The following GSDMC variants were observed in gnomAD, a reference collection of about 807,000 sequenced individuals.
GSDMC encodes gasdermin C, also known as gasdermin-C.
A neutral mutation model predicts 58.0 loss-of-function variants in GSDMC; 59 were observed. That is an observed-to-expected ratio of 1.02 (90% CI 0.82 to 1.26). The LOEUF is 1.26. Ranked by LOEUF, GSDMC falls within the 50% of genes most tolerant of loss-of-function variation. GSDMC has a pLI of 0.00. For synonymous variants in GSDMC, 241 were observed against 220.2 expected, an observed-to-expected ratio of 1.09 and a Z score of -0.83; for missense variants, 659 against 598.5, an observed-to-expected ratio of 1.10 and a Z score of -1.06.
rs35919954 is a variant in GSDMC, at chr8:129,777,428, C to T, written c.160G>A (p.Asp54Asn). Reference protein sequence around the residue: ...DSRSSFWEQSDYVPVEFSLND... With the variant: ...DSRSSFWEQSNYVPVEFSLND... ...AGGGAGAATTCAACTGGAACATAGT[C>T]AGATTGTTCCCAAAATGATGAACGA... Residue 54 changes from aspartate to asparagine, a missense_variant, in exon 2 of 14, where the codon GAC (aspartate) becomes AAC (asparagine). Coordinates refer to ENST00000276708, the MANE Select transcript of GSDMC (RefSeq NM_031415.3). 3,305 of 1,613,644 alleles carry T rather than the reference C, an allele frequency of 2.0e-3. 60 individuals are homozygous for T. In the African/African-American group the frequency reaches 0.04, roughly 19 times the overall value.
intron 6 of GSDMC, among the ~76,000 whole-genome samples, chr8:129,757,192 A>G (rs1411981028): frequency 6.6e-6 from 1 of 152,076 alleles, no homozygotes; most frequent in African/African-American, 2.4e-5. Flanking sequence ...AGAGGACGCA[A>G]ATAAAATCAG....
At chr8:129,737,044 C>T in the GSDMC span, among the ~76,000 whole-genome samples, 49,334 of 151,972 alleles carry the variant, frequency 0.32, 11,603 homozygotes, top group African/African-American at 0.65. Flanking sequence ...TTCACAATTG[C>T]TACAAAGAGA....
chr8:129,721,717 G>A, the GSDMC span, among the ~76,000 whole-genome samples: 1 of 152,268 alleles, frequency 6.6e-6, no homozygotes, highest in East Asian at 1.9e-4. Flanking sequence ...TCTCTGACTT[G>A]ACAGCACTCT....
At chr8:129,707,123 C>T in the GSDMC span, 1 of 151,920 alleles carries the variant, frequency 6.6e-6, no homozygotes, top group Admixed American at 6.6e-5. Flanking sequence ...ATGCCCAGTG[C>T]CTGGAAGGAT....
At chr8:129,715,393 G>A in the GSDMC span, among the ~76,000 whole-genome samples, 1 of 151,980 alleles carries the variant, frequency 6.6e-6, no homozygotes, top group East Asian at 1.9e-4. Flanking sequence ...GCATCAAACA[G>A]GGTAATTAGA....
At chr8:129,756,316 G>T (rs2033432750) in intron 6 of GSDMC, among the ~76,000 whole-genome samples, 1 of 151,932 alleles carries the variant, frequency 6.6e-6, no homozygotes, top group Non-Finnish European at 1.5e-5. Flanking sequence ...TATAATGATG[G>T]TAAATATATA....
rs140560858 is a variant in GSDMC, at chr8:129,766,886, T to C, written c.405-1093A>G. On this transcript the variant is annotated intron_variant, in intron 3 of 13. Coordinates refer to ENST00000276708, the MANE Select transcript of GSDMC (RefSeq NM_031415.3). ...GCTCTGTCCCATGTCACAGAGAACA[T>C]TGAGGGCATCGGCAGGACTAGACCA... Among the ~76,000 whole-genome samples the C allele has an allele frequency of 3.6e-3, 544 of 152,206 alleles. 3 individuals are homozygous for C. The highest frequency in any genetic ancestry group is 0.013 in the African/African-American group (523 of 41,518).
chr8:129,732,448 C>G, the GSDMC span, among the ~76,000 whole-genome samples: 3 of 151,944 alleles, frequency 2.0e-5, no homozygotes, highest in African/African-American at 7.2e-5. Flanking sequence ...AAACTCCTAC[C>G]CACACTAAAA....
chr8:129,750,498 T>C lies in GSDMC; in HGVS notation c.1016A>G (p.Asp339Gly). ...GGCCAGGATACTGTAGAACATGACA[T>C]CCTGAACATCCTTTGAGAGCTGAGC... is the stretch of plus-strand genomic sequence containing the variant. Reference protein sequence around the residue: ...TLAQLSKDVQDVMFYSILAML... With the variant: ...TLAQLSKDVQGVMFYSILAML... The change falls in exon 11 of 14, where the codon GAT becomes GGT. Residue 339 changes from aspartate to glycine, a missense_variant. Asp to Gly is a moderately conservative substitution (Grantham distance 94). Coordinates refer to ENST00000276708, the MANE Select transcript of GSDMC (RefSeq NM_031415.3). 1 of 1,613,902 alleles carries C rather than the reference T, an allele frequency of 6.2e-7. No individual in the cohort carries two copies.
chr8:129,733,331 G>A, the GSDMC span, among the ~76,000 whole-genome samples: 4 of 152,350 alleles, frequency 2.6e-5, no homozygotes, highest in East Asian at 1.9e-4. Flanking sequence ...CATGGTGCAT[G>A]AGCTCTGAGA....
rs1462595521 is a variant in GSDMC, at chr8:129,750,488, G to A, written c.1026C>T (p.Phe342=). Residue 342 remains phenylalanine, a synonymous_variant, in exon 11 of 14, where the codon TTC becomes TTT. Coordinates refer to ENST00000276708, the MANE Select transcript of GSDMC (RefSeq NM_031415.3). ...QLSKDVQDVM[F]YSILAMLRDR... The stretch of plus-strand genomic sequence containing the variant: ...CTCTGAGCATGGCCAGGATACTGTA[G>A]AACATGACATCCTGAACATCCTTTG... The A allele has an allele frequency of 2.5e-6, 4 of 1,613,562 alleles. No homozygotes were observed.
At chr8:129,736,573 C>A in the GSDMC span, among the ~76,000 whole-genome samples, 1 of 152,056 alleles carries the variant, frequency 6.6e-6, no homozygotes, top group African/African-American at 2.4e-5. Context: ...AAAAGGCCTT[C>A]GACAAAATTC....
the GSDMC span, among the ~76,000 whole-genome samples, chr8:129,712,014 T>C: frequency 6.6e-6 from 1 of 152,138 alleles, no homozygotes; most frequent in Admixed American, 6.6e-5. Flanking sequence ...ACCAGCTACT[T>C]GGGAGCCTGA....
chr8:129,730,510 G>C, the GSDMC span: 3 of 536,086 alleles, frequency 5.6e-6, no homozygotes, highest in Non-Finnish European at 8.7e-6. Flanking sequence ...TCCACATAGT[G>C]TAAAAATACC....
chr8:129,715,766 A>C, the GSDMC span, among the ~76,000 whole-genome samples: 1 of 152,230 alleles, frequency 6.6e-6, no homozygotes, highest in Non-Finnish European at 1.5e-5. Context: ...TGGAAGTGGT[A>C]ACTGCATGAG....
At chr8:129,718,005 C>T in the GSDMC span, among the ~76,000 whole-genome samples, 5 of 152,212 alleles carry the variant, frequency 3.3e-5, no homozygotes, top group East Asian at 7.7e-4. Flanking sequence ...TCCCTTACAC[C>T]TTATACAAAA....
chr8:129,760,771 A>C (rs1191000539), intron 5 of GSDMC, among the ~76,000 whole-genome samples, 182 bp from the exon 6 acceptor site: 1 of 152,214 alleles, frequency 6.6e-6, no homozygotes, highest in East Asian at 1.9e-4. Flanking sequence ...TAAGCAATTT[A>C]GGTAATCACT....
chr8:129,767,356 G>A (rs929599007), intron 3 of GSDMC, among the ~76,000 whole-genome samples: 9 of 152,116 alleles, frequency 5.9e-5, no homozygotes, highest in Non-Finnish European at 1.2e-4. Context: ...GGCCTGACCA[G>A]GAAGTCCAAA....
chr8:129,758,610 C>T (rs1272944691), intron 6 of GSDMC, among the ~76,000 whole-genome samples: 1 of 152,030 alleles, frequency 6.6e-6, no homozygotes, highest in African/African-American at 2.4e-5. Flanking sequence ...AAATTAATCG[C>T]ATTGACAATA....
Sources: allele counts gnomAD v4.1 joint callset (sites outside exome capture counted in the v4.1 genomes callset), GRCh38; gene constraint gnomAD v4.1.1; transcripts MANE v1.5; gene names NCBI Gene and HGNC (gene_info 2026-07-23, HGNC 2026-07-21).